The following DGKG variants were observed in gnomAD, a reference collection of about 807,000 sequenced individuals.
The protein encoded by DGKG is DAG kinase gamma.
In DGKG, 78 loss-of-function variants were observed where a neutral mutation model predicts 105.3. That is an observed-to-expected ratio of 0.74 (90% CI 0.62 to 0.89). The LOEUF is 0.89. Among genes scored for constraint, DGKG ranks in the 40% least tolerant of loss-of-function variants. DGKG has a pLI of 0.00. For missense variants in DGKG, 958 were observed against 1,020.1 expected (o/e 0.94, Z 0.83); for synonymous variants, 346 against 367.1 (o/e 0.94, Z 0.66).
intron 2 of DGKG, among the ~76,000 whole-genome samples, chr3:186,309,108 T>C (rs1263448836): frequency 6.6e-6 from 1 of 152,164 alleles, no homozygotes; most frequent in Non-Finnish European, 1.5e-5. Flanking sequence ...CACAATGATA[T>C]GAAGTTCTAT....
In DGKG at chr3:186,244,405, A is replaced by AT. The variant is rs1170691406; in HGVS notation, c.1762-1838dup. 5.4e-3 allele frequency among the ~76,000 whole-genome samples: 762 copies of AT among 140,004 alleles called. 6 individuals are homozygous for AT. Among genetic ancestry groups the AT allele is most frequent in the African/African-American group, 0.019 (703 of 36,642 alleles). The allele number at this position is 140,004 out of a possible 152,430, so 91.8% of individuals were successfully genotyped here. A position where few individuals can be genotyped will look rare whatever the true frequency, so the allele number is the denominator to read the frequency against. ...TTTAAAATTTAAACTTTAGCTATTG[A>AT]TGTTTTTTTTTTTTTTTGAGATAGA... On this transcript the variant is annotated intron_variant, in intron 19 of 24. Coordinates refer to ENST00000265022, the MANE Select transcript of DGKG (RefSeq NM_001346.3).
intron 9 of DGKG, among the ~76,000 whole-genome samples, chr3:186,277,668 G>A (rs567446675): frequency 2.0e-5 from 3 of 152,256 alleles, no homozygotes; most frequent in East Asian, 1.9e-4. Flanking sequence ...TGCATGGACC[G>A]TGACTTGGGA....
At chr3:186,244,918 G>A (rs1391633953) in intron 19 of DGKG, among the ~76,000 whole-genome samples, 2 of 152,040 alleles carry the variant, frequency 1.3e-5, no homozygotes, top group Non-Finnish European at 2.9e-5. Flanking sequence ...CCCTCAATAA[G>A]ATTCATGTGA....
intron 13 of DGKG, among the ~76,000 whole-genome samples, chr3:186,266,442 G>T (rs1170444108): frequency 1.3e-5 from 2 of 152,162 alleles, no homozygotes; most frequent in African/African-American, 4.8e-5. Flanking sequence ...GAATAAAGCT[G>T]CTATGAGCAT....
intron 11 of DGKG, among the ~76,000 whole-genome samples, chr3:186,270,457 C>G (rs1722264336): frequency 6.6e-6 from 1 of 152,202 alleles, no homozygotes; most frequent in African/African-American, 2.4e-5. Context: ...AATTACTTAG[C>G]AATTAAGTTG....
chr3:186,217,385 A>T (rs1330455009), intron 20 of DGKG, among the ~76,000 whole-genome samples: 1 of 152,148 alleles, frequency 6.6e-6, no homozygotes, highest in African/African-American at 2.4e-5. Context: ...CAGGCTCTGA[A>T]CTATCCAGAT....
At chr3:186,156,531 G>A (rs1716043958) in intron 24 of DGKG, among the ~76,000 whole-genome samples, 3 of 151,832 alleles carry the variant, frequency 2.0e-5, no homozygotes, top group Admixed American at 2.0e-4. Context: ...TTAATATCTT[G>A]CGAGAAGTTA....
chr3:186,321,113 T>C (rs1469509718), intron 1 of DGKG, among the ~76,000 whole-genome samples: 2 of 152,218 alleles, frequency 1.3e-5, no homozygotes, highest in African/African-American at 2.4e-5. Context: ...TGGTGAGCCA[T>C]TCTGGAATAA....
At chr3:186,291,248 A>G (rs1049311495) in intron 5 of DGKG, among the ~76,000 whole-genome samples, 1 of 152,212 alleles carries the variant, frequency 6.6e-6, no homozygotes, top group Non-Finnish European at 1.5e-5. Flanking sequence ...TGAGGCCAGC[A>G]TTACTCTAAA....
Position 186,289,227 on chromosome 3 carries a change from A to G in DGKG, c.374-347T>C, listed in dbSNP as rs539380603. 8.5e-4 allele frequency among the ~76,000 whole-genome samples: 130 copies of G among 152,342 alleles called. 1 individual carries two copies. Among genetic ancestry groups the G allele is most frequent in the African/African-American group, 2.9e-3 (120 of 41,570 alleles). On this transcript the variant is annotated intron_variant, in intron 5 of 24. Transcript: ENST00000265022. ...TTTTTTGGGAACATACCCAACTTATAGAAGTAATTTTGGCTGGGATTTCAA... is the reference window on the plus strand; with the variant it reads ...TTTTTTGGGAACATACCCAACTTATGGAAGTAATTTTGGCTGGGATTTCAA...
Position 186,148,049 on chromosome 3 carries a change from C to T in DGKG, c.*2041G>A, listed in dbSNP as rs1715582692. The T allele has an allele frequency of 1.0e-6, 1 of 985,292 alleles. No homozygotes were observed. Among genetic ancestry groups the T allele is most frequent in the Admixed American group, 6.2e-5 (1 of 16,254 alleles). 61.0% of individuals were successfully genotyped at this position (985,292 alleles called of 1,614,324 possible). A position where few individuals can be genotyped will look rare whatever the true frequency, so the allele number is the denominator to read the frequency against. On this transcript the variant is annotated 3_prime_UTR_variant, in exon 25 of 25. Transcript: ENST00000265022. ...CAATCTTAATATTCCCTTCTTTGTC[C>T]AAAGCTCCTGTCCAATGCAAGATTA... is the stretch of plus-strand genomic sequence containing the variant.
chr3:186,260,843 T>G (rs1560120616), intron 15 of DGKG, among the ~76,000 whole-genome samples: 1 of 152,216 alleles, frequency 6.6e-6, no homozygotes, highest in Non-Finnish European at 1.5e-5. Flanking sequence ...CACAGAGACC[T>G]TCTCCCAAAT....
rs372835306 is a variant in DGKG at position 186,268,922 on chromosome 3, G to A, written c.1000-5C>T. ...CACCCATGCGTGCTGCATCACCTGCGGGAGGGAAGCGAACGATGCCAGGGA... is the reference window on the plus strand; with the variant it reads ...CACCCATGCGTGCTGCATCACCTGCAGGAGGGAAGCGAACGATGCCAGGGA... On this transcript the variant is annotated splice_region_variant and splice_polypyrimidine_tract_variant and intron_variant, in intron 11 of 24. Transcript: ENST00000265022. 1.9e-5 allele frequency: 31 copies of A among 1,605,120 alleles called. No individual in the cohort carries two copies. Among genetic ancestry groups the A allele is most frequent in the East Asian group, 6.7e-5 (3 of 44,838 alleles).
intron 3 of DGKG, among the ~76,000 whole-genome samples, chr3:186,306,168 G>GA (rs1724227800): frequency 6.6e-6 from 1 of 152,140 alleles, no homozygotes; most frequent in Admixed American, 6.5e-5. Flanking sequence ...GGCATTTCAA[G>GA]AAAGTAGGAA....
chr3:186,198,444 G>T (rs1718289256), intron 21 of DGKG, among the ~76,000 whole-genome samples: 1 of 152,202 alleles, frequency 6.6e-6, no homozygotes, highest in African/African-American at 2.4e-5. Flanking sequence ...AGAATGATGA[G>T]AACCTACTTA....
In DGKG at chr3:186,251,833, T is replaced by G. The variant is rs764291779; in HGVS notation, c.1687A>C (p.Ile563Leu). The change falls in exon 19 of 25, where the codon ATC becomes CTC. Residue 563 changes from isoleucine to leucine, a missense_variant. Transcript: ENST00000265022. ...VMLDRWHLEV[I>L]PREEVENGDQ... Reference sequence around the variant, plus strand: ...CCGTTTTCCACTTCCTCTCTGGGGATGACTTCCAGATGCCAGCGGTCCAGC... The same window carrying G: ...CCGTTTTCCACTTCCTCTCTGGGGAGGACTTCCAGATGCCAGCGGTCCAGC... 1.2e-5 allele frequency: 20 copies of G among 1,613,716 alleles called. No homozygotes were observed. Among genetic ancestry groups the G allele is most frequent in the Non-Finnish European group, 1.6e-5 (19 of 1,179,822 alleles).
chr3:186,318,577 C>T (rs969574486), intron 2 of DGKG, among the ~76,000 whole-genome samples: 4 of 152,052 alleles, frequency 2.6e-5, no homozygotes, highest in African/African-American at 4.8e-5. Context: ...AAGTCATGAC[C>T]GAATGGGGGG....
intron 2 of DGKG, among the ~76,000 whole-genome samples, chr3:186,319,236 C>T (rs983040576): frequency 2.0e-5 from 3 of 152,158 alleles, no homozygotes; most frequent in Admixed American, 6.5e-5. Flanking sequence ...CTGTTGACCT[C>T]GGAGAGCATT....
intron 22 of DGKG, among the ~76,000 whole-genome samples, chr3:186,181,834 C>A (rs1008665806): frequency 1.3e-5 from 2 of 152,214 alleles, no homozygotes; most frequent in African/African-American, 4.8e-5. Flanking sequence ...TATCAGACAG[C>A]CAGAGGGGCC....
Sources: allele counts gnomAD v4.1 joint callset (sites outside exome capture counted in the v4.1 genomes callset), GRCh38; gene constraint gnomAD v4.1.1; transcripts MANE v1.5; gene names NCBI Gene and HGNC (gene_info 2026-07-23, HGNC 2026-07-21).